The following AHNAK variants were observed in gnomAD, a reference collection of about 807,000 sequenced individuals.
AHNAK encodes neuroblast differentiation-associated protein AHNAK.
AHNAK carries 23 observed loss-of-function variants against 37.8 expected under a neutral mutation model. The ratio of observed to expected loss-of-function variants is 0.61; its 90% CI spans 0.44 to 0.86. AHNAK has a LOEUF of 0.86. AHNAK is among the 40% of genes least tolerant of loss of function. The pLI is 0.00. For missense variants in AHNAK, 7,411 were observed against 7,319.4 expected (o/e 1.01, Z -0.46); for synonymous variants, 2,481 against 2,636.3 (o/e 0.94, Z 1.80).
At chr11:62,437,911 CT>C (rs1043741908) in intron 5 of AHNAK, among the ~76,000 whole-genome samples, 1 of 150,842 alleles carries the variant, frequency 6.6e-6, no homozygotes, top group Non-Finnish European at 1.5e-5. Context: ...CTATGTTGTT[CT>C]TTTTTTTTCT....
intron 5 of AHNAK, among the ~76,000 whole-genome samples, chr11:62,485,834 T>C (rs866632557): frequency 4.7e-5 from 7 of 150,264 alleles, no homozygotes; most frequent in Admixed American, 1.3e-4. Flanking sequence ...CTGGCCAACA[T>C]AGTGAAATCC....
At chr11:62,475,835 C>T (rs1157396177) in intron 5 of AHNAK, among the ~76,000 whole-genome samples, 3 of 151,818 alleles carry the variant, frequency 2.0e-5, no homozygotes, top group Non-Finnish European at 4.4e-5. Context: ...GAGCTCCTGA[C>T]CTCAGGTGAT....
chr11:62,518,349 A>G lies in AHNAK; in HGVS notation c.16068T>C (p.Leu5356=), dbSNP rs749498684. The G allele has an allele frequency of 3.1e-6, 5 of 1,613,984 alleles. No individual in the cohort carries two copies. The South Asian group carries it at 5.5e-5, about 18-fold the overall frequency. The part of the protein sequence containing the change: ...KVPGIDATTK[L]NVGAPDVTLR... ...GTGTCACATCTGGTGCCCCAACGTT[A>G]AGCTTTGTTGTGGCATCGATCCCTG... The change falls in exon 5 of 5, where the codon CTT becomes CTC. Residue 5356 remains leucine, a synonymous_variant. Coordinates refer to ENST00000378024, the MANE Select transcript of AHNAK (RefSeq NM_001620.3).
intron 4 of AHNAK, among the ~76,000 whole-genome samples, chr11:62,493,588 C>A (rs1939548940): frequency 6.6e-6 from 1 of 151,038 alleles, no homozygotes; most frequent in Non-Finnish European, 1.5e-5. Context: ...CTCACCTCGG[C>A]CTCCCAAAGT....
intron 1 of AHNAK, among the ~76,000 whole-genome samples, chr11:62,543,627 C>T (rs1235489083): frequency 5.9e-5 from 9 of 152,230 alleles, no homozygotes; most frequent in Non-Finnish European, 1.3e-4. Context: ...GGCCCACCCA[C>T]GTGCCCCCCA....
intron 4 of AHNAK, among the ~76,000 whole-genome samples, chr11:62,497,276 G>C (rs912361516): frequency 1.3e-5 from 2 of 152,142 alleles, no homozygotes; most frequent in African/African-American, 4.8e-5. Flanking sequence ...TTGTCATCTC[G>C]TCATTCCAGG....
At position 62,517,904 on chromosome 11, in the gene AHNAK, T is replaced by A; in HGVS notation, c.16513A>T (p.Asn5505Tyr). ...PGIKSSGCDV[N>Y]LPGVNVKLPT... Reference sequence around the variant, plus strand: ...AGTTTCACATTCACGCCTGGCAGGTTCACATCACATCCAGAGGACTTAATT... The same window carrying A: ...AGTTTCACATTCACGCCTGGCAGGTACACATCACATCCAGAGGACTTAATT... Residue 5505 changes from asparagine to tyrosine, a missense_variant, in exon 5 of 5, where the codon AAC (asparagine) becomes TAC (tyrosine). By Grantham distance (143) the Asn-to-Tyr change is moderately radical (BLOSUM62 -2). Transcript: ENST00000378024. The A allele has an allele frequency of 6.2e-7, 1 of 1,614,182 alleles. No homozygotes were observed. Among genetic ancestry groups the A allele is most frequent in the Non-Finnish European group, 8.5e-7 (1 of 1,180,016 alleles).
chr11:62,480,803 T>TAAAAAAAAAAAAA (rs1172126377), intron 5 of AHNAK, among the ~76,000 whole-genome samples: 9 of 44,494 alleles, frequency 2.0e-4, no homozygotes, highest in African/African-American at 4.8e-4. Flanking sequence ...TGCGTGCAGT[T>TAAAAAAAAAAAAA]AAAAAAAAAA....
chr11:62,449,974 G>T (rs564076509), intron 5 of AHNAK, among the ~76,000 whole-genome samples: 6 of 152,300 alleles, frequency 3.9e-5, no homozygotes, highest in African/African-American at 1.2e-4. Context: ...GCAGAGCGCA[G>T]TGGTTCACAT....
In AHNAK at chr11:62,527,470, T is replaced by C. The variant is rs771511903; in HGVS notation, c.6947A>G (p.Asp2316Gly). The change falls in exon 5 of 5, where the codon GAT becomes GGT. Residue 2316 changes from aspartate to glycine, a missense_variant. By Grantham distance (94) the Asp-to-Gly change is moderately conservative. Transcript: ENST00000378024. ...HFKTPKISMP[D>G]VDFNLKGPKI... is the part of the protein sequence containing the mutation. ...GGGTCCCTTTAAATTGAAATCAACATCAGGCATGGAGATCTTGGGGGTCTT... is the reference window on the plus strand; with the variant it reads ...GGGTCCCTTTAAATTGAAATCAACACCAGGCATGGAGATCTTGGGGGTCTT... 1 of 1,614,060 alleles carries C rather than the reference T, an allele frequency of 6.2e-7. No homozygotes were observed. Among genetic ancestry groups the C allele is most frequent in the Admixed American group, 1.7e-5 (1 of 60,010 alleles).
intron 5 of AHNAK, among the ~76,000 whole-genome samples, chr11:62,481,091 TTTTTTTTTTTTGG>T (rs1334570464): frequency 9.2e-4 from 3 of 3,272 alleles, no homozygotes; most frequent in African/African-American, 2.4e-3. Flanking sequence ...TTTTTTTGGT[TTTTTTTTTTTTGG>T]TTTTTTTTTT....
At chr11:62,458,227 G>A (rs1019917408) in intron 5 of AHNAK, among the ~76,000 whole-genome samples, 2 of 152,092 alleles carry the variant, frequency 1.3e-5, no homozygotes, top group East Asian at 3.9e-4. Flanking sequence ...CTGAAAAGCT[G>A]AAATTTTTTT....
chr11:62,545,015 G>A (rs559385999), intron 1 of AHNAK, among the ~76,000 whole-genome samples: 3 of 152,168 alleles, frequency 2.0e-5, no homozygotes, highest in Admixed American at 1.3e-4. Flanking sequence ...AGTATTTACT[G>A]AGCGCCCAGC....
chr11:62,500,460 C>G (rs1939691957), intron 4 of AHNAK, among the ~76,000 whole-genome samples: 1 of 152,176 alleles, frequency 6.6e-6, no homozygotes, highest in Admixed American at 6.5e-5. Flanking sequence ...ATGTGTGCTA[C>G]AGAACACTAC....
At chr11:62,492,533 C>T (rs11231111) in intron 4 of AHNAK, among the ~76,000 whole-genome samples, 21,066 of 151,948 alleles carry the variant, frequency 0.14, 3,536 homozygotes, top group African/African-American at 0.4. Flanking sequence ...CAACGGGTTA[C>T]TCTTTTCATG....
At position 62,516,987 on chromosome 11, in the gene AHNAK, A is replaced by T. The variant is rs1470176974; in HGVS notation, c.17430T>A (p.Gly5810=). The change falls in exon 5 of 5, where the codon GGT becomes GGA. Residue 5810 remains glycine, a synonymous_variant. Coordinates refer to ENST00000378024, the MANE Select transcript of AHNAK (RefSeq NM_001620.3). ...TCCCGTGTTTCCCTTTAACTTTCCC[A>T]CCTTCCAGAGACACTTCCCCACCTT... ...EFEGGEVSLE[G]GKVKGKHGKL... The T allele has an allele frequency of 1.2e-6, 2 of 1,613,808 alleles. No homozygotes were observed. The highest frequency in any genetic ancestry group is 1.7e-6 in the Non-Finnish European group (2 of 1,179,990).
chr11:62,461,824 C>CA (rs34702871), intron 5 of AHNAK, among the ~76,000 whole-genome samples: 2,889 of 89,810 alleles, frequency 0.032, 93 homozygotes, highest in African/African-American at 0.13. Context: ...AACGACATCT[C>CA]AAAAAAAAAA....
chr11:62,515,913 A>G lies in AHNAK; in HGVS notation c.*831T>C. On this transcript the variant is annotated 3_prime_UTR_variant, in exon 5 of 5. Transcript: ENST00000378024. ...AAAGGCACAAGACATCAAGGTTAAT[A>G]AACAGCTTTATTTGCCTTGTACAGC... 1 of 1,150,662 alleles carries G rather than the reference A, an allele frequency of 8.7e-7. No homozygotes were observed. Among genetic ancestry groups the G allele is most frequent in the Non-Finnish European group, 1.1e-6 (1 of 921,132 alleles). The allele number at this position is 1,150,662 out of a possible 1,614,324, so 71.3% of individuals were successfully genotyped here.
Position 62,525,763 on chromosome 11 carries a change from A to G in AHNAK, c.8654T>C (p.Val2885Ala), listed in dbSNP as rs1392360166. Residue 2885 changes from valine (V) to alanine (A), a missense_variant, in exon 5 of 5, where the codon GTT becomes GCT. Transcript: ENST00000378024. ...CTTCAGGTGCCAGTCTGGACCCTGA[A>G]CATTAACATCTGGGACATCAATGTC... ...KVDIDVPDVN[V>A]QGPDWHLKMP... 2.5e-6 allele frequency: 4 copies of G among 1,613,420 alleles called. No individual in the cohort carries two copies. The highest frequency in any genetic ancestry group is 3.4e-6 in the Non-Finnish European group (4 of 1,179,888).
Sources: allele counts gnomAD v4.1 joint callset (sites outside exome capture counted in the v4.1 genomes callset), GRCh38; gene constraint gnomAD v4.1.1; transcripts MANE v1.5; gene names NCBI Gene and HGNC (gene_info 2026-07-23, HGNC 2026-07-21).